SUMF1: variants seen among roughly 807,000 people sequenced by gnomAD.
SUMF1 encodes the protein formylglycine-generating enzyme.
A neutral mutation model predicts 47.6 loss-of-function variants in SUMF1; 48 were observed. The observed-to-expected ratio is 1.01, with a 90% CI of 0.80 to 1.28. The LOEUF is 1.28. SUMF1 is among the 50% of genes most tolerant of loss of function. SUMF1 has a pLI of 0.00. For synonymous variants in SUMF1, 230 were observed against 192.1 expected, an observed-to-expected ratio of 1.20 and a Z score of -1.63; for missense variants, 571 against 485.4, an observed-to-expected ratio of 1.18 and a Z score of -1.66.
rs530745461 is a variant in SUMF1, at chr3:4,235,587, G to T, written c.1014+140743C>A. The stretch of plus-strand genomic sequence containing the variant: ...ATTATAATTAGGAAAAATGCTTTAC[G>T]ATATTCTGTTGCATTTAAGAGATAT... On this transcript the variant is annotated intron_variant and NMD_transcript_variant, in intron 8 of 12. Coordinates refer to the SUMF1 transcript ENST00000448413. Among the ~76,000 whole-genome samples the T allele has an allele frequency of 3.3e-5, 5 of 152,120 alleles. No homozygotes were observed. The South Asian group carries it at 6.2e-4, about 19-fold the overall frequency.
At chr3:4,408,730 G>A (rs375028266) in intron 7 of SUMF1, among the ~76,000 whole-genome samples, 1 of 152,154 alleles carries the variant, frequency 6.6e-6, no homozygotes, top group Non-Finnish European at 1.5e-5. Context: ...CAGAACTTTG[G>A]GGGGACAAGG....
At chr3:4,223,430 C>A (rs1696108912) in intron 8 of SUMF1, among the ~76,000 whole-genome samples, 1 of 152,120 alleles carries the variant, frequency 6.6e-6, no homozygotes, top group Non-Finnish European at 1.5e-5. Context: ...CAAGGTAAAG[C>A]ATGATGGTGC....
chr3:4,444,448 T>C (rs929936249), intron 3 of SUMF1, among the ~76,000 whole-genome samples: 1 of 152,196 alleles, frequency 6.6e-6, no homozygotes, highest in Non-Finnish European at 1.5e-5. Flanking sequence ...ATAATGGACA[T>C]ATGTTTCAAT....
intron 8 of SUMF1, among the ~76,000 whole-genome samples, chr3:4,300,670 G>A (rs1248746378): frequency 3.3e-5 from 5 of 152,006 alleles, no homozygotes; most frequent in East Asian, 3.9e-4. Context: ...GTAAAGACTT[G>A]GAGAAAAAAA....
intron 8 of SUMF1, among the ~76,000 whole-genome samples, chr3:4,375,538 GC>G (rs1700300885): frequency 6.6e-6 from 1 of 152,082 alleles, no homozygotes; most frequent in South Asian, 2.1e-4. Flanking sequence ...ATTTGATAAT[GC>G]CATCATTATC....
intron 7 of SUMF1, among the ~76,000 whole-genome samples, chr3:4,378,510 T>C (rs1204762617): frequency 1.3e-5 from 2 of 152,234 alleles, no homozygotes; most frequent in Middle Eastern, 3.2e-3. Flanking sequence ...AAATGCTTAA[T>C]GTCACATTAA....
chr3:4,140,421 A>T (rs777699133), intron 8 of SUMF1, among the ~76,000 whole-genome samples: 1 of 152,056 alleles, frequency 6.6e-6, no homozygotes, highest in Non-Finnish European at 1.5e-5. Flanking sequence ...ACTTCCTGCT[A>T]TCCCCACCTA....
At chr3:4,280,938 T>A (rs1339848716) in intron 8 of SUMF1, among the ~76,000 whole-genome samples, 1 of 151,830 alleles carries the variant, frequency 6.6e-6, no homozygotes, top group African/African-American at 2.4e-5. Context: ...ATCCTAATAA[T>A]TTCATCTTAA....
At chr3:4,370,103 A>G (rs1311602982) in intron 8 of SUMF1, among the ~76,000 whole-genome samples, 2 of 152,218 alleles carry the variant, frequency 1.3e-5, no homozygotes, top group African/African-American at 4.8e-5. Flanking sequence ...AAATAGGGAA[A>G]GAGGACTGAG....
chr3:4,143,124 G>A (rs563420357), intron 8 of SUMF1, among the ~76,000 whole-genome samples: 4 of 152,094 alleles, frequency 2.6e-5, no homozygotes, highest in Admixed American at 1.3e-4. Context: ...TGTTTGCCTC[G>A]GGAGTTTATT....
chr3:4,099,053 A>C (rs2125059814), intron 8 of SUMF1, among the ~76,000 whole-genome samples: 1 of 152,270 alleles, frequency 6.6e-6, no homozygotes, highest in East Asian at 1.9e-4. Flanking sequence ...AATAAAGCCT[A>C]TTCTCCATGA....
At chr3:4,463,940 T>C (rs2079875944) in intron 1 of SUMF1, among the ~76,000 whole-genome samples, 1 of 152,234 alleles carries the variant, frequency 6.6e-6, no homozygotes, top group African/African-American at 2.4e-5. Flanking sequence ...TCTATATTGT[T>C]TCCCAGACAA....
At chr3:4,400,606 G>A (rs1203447522) in intron 7 of SUMF1, among the ~76,000 whole-genome samples, 2 of 152,208 alleles carry the variant, frequency 1.3e-5, no homozygotes, top group African/African-American at 2.4e-5. Context: ...ACCAAGAGGC[G>A]CTTAGAAACC....
chr3:4,066,320 T>G (rs961584810), intron 9 of SUMF1, among the ~76,000 whole-genome samples: 2 of 152,114 alleles, frequency 1.3e-5, no homozygotes, highest in African/African-American at 4.8e-5. Flanking sequence ...CGATCTTTTT[T>G]CATGAAAATA....
At chr3:4,052,424 G>C (rs1383823328) in intron 9 of SUMF1, among the ~76,000 whole-genome samples, 2 of 152,140 alleles carry the variant, frequency 1.3e-5, no homozygotes, top group Non-Finnish European at 2.9e-5. Context: ...ACTGACCAAA[G>C]ACTAGAGCTT....
chr3:4,227,404 G>A (rs1383279740), intron 8 of SUMF1, among the ~76,000 whole-genome samples: 3 of 152,012 alleles, frequency 2.0e-5, no homozygotes, highest in Non-Finnish European at 4.4e-5. Context: ...GTGCTATGAA[G>A]AAAAATAACT....
intron 8 of SUMF1, among the ~76,000 whole-genome samples, chr3:4,290,285 G>GT (rs1443151332): frequency 6.8e-6 from 1 of 148,054 alleles, no homozygotes; most frequent in African/African-American, 2.7e-5. Context: ...TTGTGTAAAT[G>GT]TGAGTCTAAA....
At chr3:4,135,678 T>C (rs1479655314) in intron 8 of SUMF1, among the ~76,000 whole-genome samples, 1 of 152,126 alleles carries the variant, frequency 6.6e-6, no homozygotes, top group African/African-American at 2.4e-5. Flanking sequence ...AATGAGGAAG[T>C]CAAATTGTCC....
intron 8 of SUMF1, among the ~76,000 whole-genome samples, chr3:4,335,739 A>T (rs576282092): frequency 3.9e-4 from 59 of 152,064 alleles, no homozygotes; most frequent in Non-Finnish European, 7.4e-4. Context: ...GGTCAGGAGT[A>T]CAAGACCAGC....
Sources: gnomAD v4.1 joint callset for allele counts (sites outside exome capture counted in the v4.1 genomes callset) on GRCh38, gnomAD v4.1.1 for gene constraint, MANE v1.5 for transcripts, NCBI Gene and HGNC (gene_info 2026-07-23, HGNC 2026-07-21) for gene names.